CNPY1: variants seen among roughly 807,000 people sequenced by gnomAD.
The protein encoded by CNPY1 is canopy FGF signaling regulator 1, also known as protein canopy homolog 1.
A neutral mutation model predicts 14.4 loss-of-function variants in CNPY1; 14 were observed. That is an observed-to-expected ratio of 0.97 (90% CI 0.64 to 1.52). The LOEUF is 1.52. CNPY1 is among the 40% of genes most tolerant of loss of function. The pLI, the probability that CNPY1 is intolerant of heterozygous loss-of-function variation, is 0.00. For synonymous variants in CNPY1, 43 were observed against 46.5 expected (o/e 0.92, Z 0.31); for missense variants, 129 against 131.5 (o/e 0.98, Z 0.09).
In CNPY1 at chr7:155,502,003, T is replaced by TGGGGGGGGGGGGGGG. The variant is rs60236629; in HGVS notation, c.*1064_*1065insCCCCCCCCCCCCCCC. On this transcript the variant is annotated 3_prime_UTR_variant, in exon 5 of 5. Transcript: ENST00000636446. The stretch of plus-strand genomic sequence containing the variant: ...GCAAAGAGTTTTGGGTCGGGGGGGT[T>TGGGGGGGGGGGGGGG]GGGGGGGGGATTTGTAGCATCCTAC... 1 of 125,402 alleles carries TGGGGGGGGGGGGGGG rather than the reference T, an allele frequency of 8.0e-6. No individual in the cohort carries two copies. The allele number at this position is 125,402 out of a possible 1,614,324, so 7.8% of individuals were successfully genotyped here. A position where few individuals can be genotyped will look rare whatever the true frequency, so the allele number is the denominator to read the frequency against.
chr7:155,501,974 T>C lies in CNPY1; in HGVS notation c.*1094A>G, dbSNP rs1796124739. On this transcript the variant is annotated 3_prime_UTR_variant, in exon 5 of 5. Coordinates refer to ENST00000636446, the MANE Select transcript of CNPY1 (RefSeq NM_001393663.1). Reference sequence around the variant, plus strand: ...TGCTTTTTAAGCAACTAAGTAACAATATGGCAAAGAGTTTTGGGTCGGGGG... The same window carrying C: ...TGCTTTTTAAGCAACTAAGTAACAACATGGCAAAGAGTTTTGGGTCGGGGG... The C allele has an allele frequency of 2.0e-5, 2 of 100,140 alleles. No individual in the cohort carries two copies. The highest frequency in any genetic ancestry group is 8.8e-5 in the African/African-American group (2 of 22,838). The allele number at this position is 100,140 out of a possible 1,614,324, so 6.2% of individuals were successfully genotyped here.
intron 2 of CNPY1, among the ~76,000 whole-genome samples, chr7:155,509,561 C>T (rs560695577): frequency 7.2e-5 from 11 of 151,974 alleles, no homozygotes; most frequent in African/African-American, 2.4e-4. Flanking sequence ...AGAGAGAGCG[C>T]GCGCTCAGCT....
chr7:155,519,656 A>G (rs1796682582), intron 2 of CNPY1, among the ~76,000 whole-genome samples: 1 of 152,232 alleles, frequency 6.6e-6, no homozygotes, highest in Admixed American at 6.5e-5. Flanking sequence ...GACTATTAAT[A>G]AGTTAATATT....
chr7:155,535,554 C>G (rs552478277), intron 2 of CNPY1, among the ~76,000 whole-genome samples: 1 of 152,142 alleles, frequency 6.6e-6, no homozygotes, highest in Non-Finnish European at 1.5e-5. Context: ...TGAAGGAAGC[C>G]GGGAATGAAC....
intron 2 of CNPY1, among the ~76,000 whole-genome samples, chr7:155,511,067 C>A (rs951633740): frequency 6.6e-6 from 1 of 152,128 alleles, no homozygotes; most frequent in Admixed American, 6.5e-5. Flanking sequence ...GAAGAGTAGA[C>A]GCTGTCATTT....
intron 2 of CNPY1, among the ~76,000 whole-genome samples, chr7:155,534,335 ACAGAGGCACACATG>A (rs1796995914): frequency 1.3e-5 from 1 of 78,968 alleles, no homozygotes; most frequent in Non-Finnish European, 3.2e-5. Context: ...ACACACGTGC[ACAGAGGCACACATG>A]CACACACGTG....
At chr7:155,504,861 C>A (rs558146473) in intron 4 of CNPY1, among the ~76,000 whole-genome samples, 3 of 152,228 alleles carry the variant, frequency 2.0e-5, no homozygotes, top group African/African-American at 7.2e-5. Context: ...AACTGGCTGT[C>A]CTTGTATGTT....
intron 2 of CNPY1, among the ~76,000 whole-genome samples, chr7:155,517,430 T>C (rs527731432): frequency 1.6e-4 from 25 of 152,352 alleles, no homozygotes; most frequent in African/African-American, 6.0e-4. Context: ...GGACTTGTTA[T>C]ACAGCTGCAG....
chr7:155,545,916 T>C lies in CNPY1; in HGVS notation c.14A>G (p.Glu5Gly). 1 of 398,654 alleles carries C rather than the reference T, an allele frequency of 2.5e-6. No homozygotes were observed. Among genetic ancestry groups the C allele is most frequent in the Non-Finnish European group, 4.4e-6 (1 of 226,074 alleles). The allele number at this position is 398,654 out of a possible 1,614,324, so 24.7% of individuals were successfully genotyped here. ...CTGCCGAGCCTTGGTGATGTCGTGCTCTATCTCGTCCATCAGCGCCCTGCA... is the reference window on the plus strand; with the variant it reads ...CTGCCGAGCCTTGGTGATGTCGTGCCCTATCTCGTCCATCAGCGCCCTGCA... The part of the protein sequence containing the change: MDEI[E>G]HDITKARQKK... The change falls in exon 2 of 5, where the codon GAG becomes GGG. Residue 5 changes from glutamate to glycine, a missense_variant. Physicochemically the swap from Glu to Gly is moderately conservative, Grantham distance 98. Transcript: ENST00000636446.
intron 2 of CNPY1, among the ~76,000 whole-genome samples, chr7:155,540,316 G>A (rs1430851515): frequency 2.0e-5 from 3 of 152,142 alleles, no homozygotes; most frequent in Non-Finnish European, 4.4e-5. Flanking sequence ...GTGCACTGGG[G>A]TCTCGTTCTC....
At chr7:155,506,601 A>T (rs1796319564) in intron 4 of CNPY1, 1 of 157,838 alleles carries the variant, frequency 6.3e-6, no homozygotes, top group Non-Finnish European at 1.4e-5. Flanking sequence ...AAGTTCTTAC[A>T]AAATAAAAAT....
Position 155,515,987 on chromosome 7 carries a change from G to T in CNPY1, c.100-6890C>A, listed in dbSNP as rs573299505. ...ACATTCCAGTTATGTGTCTACATGT[G>T]TGAGCAAATGAACGTGCACGCGTGT... On this transcript the variant is annotated intron_variant, in intron 2 of 4. Transcript: ENST00000636446. 1.8e-4 allele frequency among the ~76,000 whole-genome samples: 27 copies of T among 149,808 alleles called. No individual in the cohort carries two copies. The South Asian group carries it at 3.4e-3, about 19-fold the overall frequency.
In CNPY1 at chr7:155,524,085, C is replaced by G. The variant is rs1490024522; in HGVS notation, c.100-14988G>C. On this transcript the variant is annotated intron_variant, in intron 2 of 4. Coordinates refer to ENST00000636446, the MANE Select transcript of CNPY1 (RefSeq NM_001393663.1). Reference sequence around the variant, plus strand: ...TCCTGGACTTCTGGCCTTTGCCCCACGAGGGAATCATTTCTGCGTAAGACA... The same window carrying G: ...TCCTGGACTTCTGGCCTTTGCCCCAGGAGGGAATCATTTCTGCGTAAGACA... Among the ~76,000 whole-genome samples the G allele has an allele frequency of 2.0e-5, 3 of 152,176 alleles. No individual in the cohort carries two copies. The East Asian group carries it at 5.8e-4, about 29-fold the overall frequency.
intron 2 of CNPY1, among the ~76,000 whole-genome samples, chr7:155,512,781 C>A (rs1174461503): frequency 6.6e-6 from 1 of 152,206 alleles, no homozygotes; most frequent in Non-Finnish European, 1.5e-5. Context: ...AAATTTCACT[C>A]ATCTTTATCG....
chr7:155,526,056 G>C (rs1044200237), intron 2 of CNPY1, among the ~76,000 whole-genome samples: 1 of 152,164 alleles, frequency 6.6e-6, no homozygotes, highest in African/African-American at 2.4e-5. Flanking sequence ...ATAGAAATGT[G>C]TTACAGTACA....
At chr7:155,541,639 G>A (rs547358200) in intron 2 of CNPY1, among the ~76,000 whole-genome samples, 138 of 152,326 alleles carry the variant, frequency 9.1e-4, no homozygotes, top group African/African-American at 3.2e-3. Context: ...CAGAGCCCCC[G>A]CAGTCTGCTG....
At chr7:155,510,132 A>T (rs1796490081) in intron 2 of CNPY1, among the ~76,000 whole-genome samples, 1 of 152,206 alleles carries the variant, frequency 6.6e-6, no homozygotes, top group Non-Finnish European at 1.5e-5. Context: ...TGATCTATCC[A>T]GCCTCCATTG....
chr7:155,536,807 C>A lies in CNPY1; in HGVS notation c.99+9024G>T, dbSNP rs1797030104. On this transcript the variant is annotated intron_variant, in intron 2 of 4. Coordinates refer to ENST00000636446, the MANE Select transcript of CNPY1 (RefSeq NM_001393663.1). This position sits in a 1 kb window ranked among gnomAD's most constrained non-coding sequence, Gnocchi z 4.1. Reference sequence around the variant, plus strand: ...GTCAACTCTCAACGCTCGTGGTGATCCACACTGACACCAGGCAGTGTATGA... The same window carrying A: ...GTCAACTCTCAACGCTCGTGGTGATACACACTGACACCAGGCAGTGTATGA... 6.6e-6 allele frequency among the ~76,000 whole-genome samples: 1 copy of A among 152,224 alleles called. No homozygotes were observed. Among genetic ancestry groups the A allele is most frequent in the African/African-American group, 2.4e-5 (1 of 41,468 alleles).
intron 2 of CNPY1, among the ~76,000 whole-genome samples, chr7:155,533,572 C>T (rs1275011023): frequency 1.3e-5 from 2 of 152,154 alleles, no homozygotes; most frequent in Admixed American, 6.5e-5. Flanking sequence ...CAGCAGGGCC[C>T]GTCGCTTCGC....
Sources: allele counts gnomAD v4.1 joint callset (sites outside exome capture counted in the v4.1 genomes callset), GRCh38; gene constraint gnomAD v4.1.1; non-coding constraint Gnocchi (gnomAD v3.1); transcripts MANE v1.5; gene names NCBI Gene and HGNC (gene_info 2026-07-23, HGNC 2026-07-21).